SOX5: variants seen among roughly 807,000 people sequenced by gnomAD.
SOX5 encodes the protein transcription factor SOX-5.
Under a neutral mutation model 92.0 loss-of-function variants are expected in SOX5, and 9 were observed. The ratio of observed to expected loss-of-function variants is 0.10; its 90% CI spans 0.06 to 0.17. The LOEUF is 0.17. SOX5 is among the 10% of genes least tolerant of loss of function. The probability of loss-of-function intolerance (pLI) is 1.00; values close to 1 mark genes in which losing one functional copy is unlikely to be tolerated. For missense variants in SOX5, 642 were observed against 944.5 expected (o/e 0.68, Z 4.20); for synonymous variants, 344 against 336.3 (o/e 1.02, Z -0.25).
intron 10 of SOX5, among the ~76,000 whole-genome samples, chr12:23,568,012 C>A (rs1947448913): frequency 6.6e-6 from 1 of 152,054 alleles, no homozygotes; most frequent in African/African-American, 2.4e-5. Context: ...AAAGATATAT[C>A]CAAGTCCTAA....
At position 23,732,757 on chromosome 12, in the gene SOX5, T is replaced by C. The variant is rs1485500391; in HGVS notation, c.810+1927A>G. 3.9e-5 allele frequency among the ~76,000 whole-genome samples: 6 copies of C among 152,164 alleles called. No homozygotes were observed. The East Asian group carries it at 5.8e-4, about 15-fold the overall frequency. Reference sequence around the variant, plus strand: ...TTAAAATTCTCATACTCCACAAAAGTTCTATTATAGTCAGAAAACTTTGCT... The same window carrying C: ...TTAAAATTCTCATACTCCACAAAAGCTCTATTATAGTCAGAAAACTTTGCT... On this transcript the variant is annotated intron_variant, in intron 6 of 14. Coordinates refer to ENST00000451604, the MANE Select transcript of SOX5 (RefSeq NM_006940.6).
Position 23,776,498 on chromosome 12 carries a change from C to G in SOX5, c.482-20774G>C, listed in dbSNP as rs558193302. 2.0e-5 allele frequency among the ~76,000 whole-genome samples: 3 copies of G among 152,254 alleles called. No homozygotes were observed. The South Asian group carries it at 6.2e-4, about 32-fold the overall frequency. On this transcript the variant is annotated intron_variant, in intron 3 of 14. Transcript: ENST00000451604. ...TGAAAGGGACCTTAGAAGTCACATT[C>G]CTTGAGATGTTGAAGACTTAGGCAA...
intron 3 of SOX5, among the ~76,000 whole-genome samples, chr12:24,265,949 G>A (rs1015248851): frequency 6.6e-6 from 1 of 151,926 alleles, no homozygotes; most frequent in Non-Finnish European, 1.5e-5. Flanking sequence ...CACCCAAGTT[G>A]GAGTGCAGTG....
intron 4 of SOX5, among the ~76,000 whole-genome samples, chr12:24,166,350 CA>C (rs1953404318): frequency 6.6e-6 from 1 of 152,146 alleles, no homozygotes; most frequent in African/African-American, 2.4e-5. Context: ...AATGAATATA[CA>C]GACCTCCCGT....
chr12:24,179,732 G>GA (rs1955254390), intron 4 of SOX5, among the ~76,000 whole-genome samples: 1 of 152,090 alleles, frequency 6.6e-6, no homozygotes, highest in Admixed American at 6.5e-5. Context: ...TTTAAGGTAG[G>GA]TGCGGCTAAG....
chr12:23,662,499 T>C (rs902832048), intron 7 of SOX5, among the ~76,000 whole-genome samples: 3 of 152,208 alleles, frequency 2.0e-5, no homozygotes, highest in Non-Finnish European at 1.5e-5. Flanking sequence ...ACTCTTATAT[T>C]GTTTAAATGA....
intron 1 of SOX5, among the ~76,000 whole-genome samples, chr12:24,376,037 C>A (rs1957229681): frequency 6.6e-6 from 1 of 152,142 alleles, no homozygotes; most frequent in Non-Finnish European, 1.5e-5. Flanking sequence ...AGAAAGATGA[C>A]CACTTCTACG....
intron 1 of SOX5, among the ~76,000 whole-genome samples, chr12:24,385,249 T>C (rs901702982): frequency 5.3e-5 from 8 of 152,192 alleles, no homozygotes; most frequent in African/African-American, 1.7e-4. Flanking sequence ...AACCATTCTG[T>C]TTTTCACTTT....
chr12:24,000,585 G>T (rs1042282251), intron 4 of SOX5, among the ~76,000 whole-genome samples: 1 of 151,982 alleles, frequency 6.6e-6, no homozygotes, highest in Non-Finnish European at 1.5e-5. Context: ...GTAAGTAAAG[G>T]AATTAAAATA....
chr12:24,412,190 T>C (rs78786738), intron 1 of SOX5, among the ~76,000 whole-genome samples: 4,617 of 152,278 alleles, frequency 0.03, 102 homozygotes, highest in Admixed American at 0.043. Context: ...TTTCTGTTTT[T>C]ACTCTGTTAG....
At chr12:24,228,228 T>C (rs1962529537) in intron 3 of SOX5, among the ~76,000 whole-genome samples, 1 of 152,132 alleles carries the variant, frequency 6.6e-6, no homozygotes, top group South Asian at 2.1e-4. Flanking sequence ...GGATAAAGCA[T>C]TTTCCTCATA....
chr12:23,856,649 C>T (rs996776022), intron 2 of SOX5, among the ~76,000 whole-genome samples: 18 of 152,074 alleles, frequency 1.2e-4, no homozygotes, highest in Admixed American at 5.9e-4. Context: ...GCAAGATATG[C>T]CAAAGGTATA....
chr12:23,564,291 A>T (rs1946705521), intron 10 of SOX5, among the ~76,000 whole-genome samples: 1 of 152,224 alleles, frequency 6.6e-6, no homozygotes, highest in Non-Finnish European at 1.5e-5. Context: ...TCTGCATGAC[A>T]TTAGACGTAC....
At chr12:23,636,792 G>T (rs1314996517) in intron 8 of SOX5, among the ~76,000 whole-genome samples, 1 of 152,118 alleles carries the variant, frequency 6.6e-6, no homozygotes, top group Non-Finnish European at 1.5e-5. Flanking sequence ...CTGGTTATGA[G>T]TTACCAAATG....
intron 9 of SOX5, 159 bp downstream of exon 9, chr12:23,604,228 A>T: frequency 1.6e-6 from 1 of 629,054 alleles, no homozygotes; most frequent in African/African-American, 1.8e-5. Context: ...CAATGTATGC[A>T]GATAAGTTGA....
At chr12:24,288,192 T>G (rs75503058) in intron 2 of SOX5, among the ~76,000 whole-genome samples, 2,861 of 152,284 alleles carry the variant, frequency 0.019, 61 homozygotes, top group African/African-American at 0.047. Flanking sequence ...AGGATGCTAC[T>G]GGCATCTAGT....
rs891268652 is a variant in SOX5 at position 24,110,812 on chromosome 12, G to C, written c.-2+102531C>G. On this transcript the variant is annotated intron_variant, in intron 4 of 4. Transcript: ENST00000446891. ...GCTACTCGGGAGGCTGAGGCGGAAGGATGGCGTGAACCCAGGAGGCGGAGC... is the reference window on the plus strand; with the variant it reads ...GCTACTCGGGAGGCTGAGGCGGAAGCATGGCGTGAACCCAGGAGGCGGAGC... Among the ~76,000 whole-genome samples the C allele has an allele frequency of 1.4e-4, 20 of 146,690 alleles. 1 individual carries two copies. Among genetic ancestry groups the C allele is most frequent in the Admixed American group, 7.6e-4 (11 of 14,394 alleles).
intron 9 of SOX5, among the ~76,000 whole-genome samples, chr12:23,599,557 G>C (rs983264538): frequency 2.6e-5 from 4 of 152,144 alleles, no homozygotes; most frequent in African/African-American, 9.7e-5. Flanking sequence ...ACTGTTCTTG[G>C]CTGCTGCAGG....
At chr12:23,749,772 C>G (rs954276479) in intron 4 of SOX5, among the ~76,000 whole-genome samples, 3 of 151,728 alleles carry the variant, frequency 2.0e-5, no homozygotes, top group Non-Finnish European at 4.4e-5. Flanking sequence ...ATATAAAAAC[C>G]ATTATTTTAA....
Sources: gnomAD v4.1 joint callset for allele counts (sites outside exome capture counted in the v4.1 genomes callset) on GRCh38, gnomAD v4.1.1 for gene constraint, MANE v1.5 for transcripts, NCBI Gene and HGNC (gene_info 2026-07-23, HGNC 2026-07-21) for gene names.